Variants in RAD51 observed in about 807,000 individuals in gnomAD.
RAD51 encodes the protein DNA repair protein RAD51 homolog 1.
Under a neutral mutation model 41.5 loss-of-function variants are expected in RAD51, and 14 were observed. The observed-to-expected ratio is 0.34, with a 90% confidence interval of 0.22 to 0.53. The LOEUF (loss-of-function observed/expected upper bound fraction) is 0.53, where lower values mean the gene tolerates loss of function less well. Among genes scored for constraint, RAD51 ranks in the 20% least tolerant of loss-of-function variants. The probability of loss-of-function intolerance (pLI) is 0.95; values close to 1 mark genes in which losing one functional copy is unlikely to be tolerated. For synonymous variants in RAD51, 136 were observed against 148.6 expected, an observed-to-expected ratio of 0.92 and a Z score of 0.62; for missense variants, 234 against 422.0, an observed-to-expected ratio of 0.55 and a Z score of 3.90.
chr15:40,708,982 A>G (rs1026673874), intron 4 of RAD51, 43 bp from the exon 5 acceptor site: 5 of 1,477,930 alleles, frequency 3.4e-6, no homozygotes, highest in Admixed American at 3.3e-5. Context: ...CAGTTTCTAC[A>G]TGTTTGTATT....
In RAD51 at chr15:40,731,112, C is replaced by T. The variant is rs1419508030; in HGVS notation, c.954C>T (p.Pro318=). 1.1e-5 allele frequency: 18 copies of T among 1,614,098 alleles called. No individual in the cohort carries two copies. Among genetic ancestry groups the T allele is most frequent in the Admixed American group, 1.7e-5 (1 of 59,994 alleles). ...GAATCTGCAAAATCTACGACTCTCC[C>T]TGTCTTCCTGAAGCTGAAGCTATGT... ...ETRICKIYDS[P]CLPEAEAMFA... is the part of the protein sequence containing the mutation. Residue 318 remains proline, a synonymous_variant, in exon 10 of 10, where the codon CCC becomes CCT. Transcript: ENST00000267868.
intron 5 of RAD51, among the ~76,000 whole-genome samples, chr15:40,714,335 A>G (rs968531632): frequency 2.0e-5 from 3 of 152,238 alleles, no homozygotes; most frequent in African/African-American, 7.2e-5. Flanking sequence ...GTCATTTGAC[A>G]TGATATGTGA....
At chr15:40,725,074 T>C (rs1896512962) in intron 6 of RAD51, among the ~76,000 whole-genome samples, 1 of 151,554 alleles carries the variant, frequency 6.6e-6, no homozygotes, top group Non-Finnish European at 1.5e-5. Flanking sequence ...TAATTTTTTG[T>C]ATTTTTAGTA....
intron 3 of RAD51, 60 bp from the exon 4 acceptor site, chr15:40,706,117 T>A: frequency 7.7e-7 from 1 of 1,303,172 alleles, no homozygotes; most frequent in African/African-American, 1.5e-5. Flanking sequence ...TTTTTTGCCA[T>A]CAAGATCACT....
Position 40,729,576 on chromosome 15 carries a change from C to T in RAD51, c.716C>T (p.Ser239Leu), listed in dbSNP as rs2141882391. The part of the protein sequence containing the change: ...RTDYSGRGEL[S>L]ARQMHLARFL... ...GACTACTCGGGTCGAGGTGAGCTTT[C>T]AGCCAGGCAGATGCACTTGGCCAGG... is the stretch of plus-strand genomic sequence containing the variant. The change falls in exon 8 of 10, where the codon TCA becomes TTA. Residue 239 changes from serine (S) to leucine (L), a missense_variant. Transcript: ENST00000267868. 6.2e-7 allele frequency: 1 copy of T among 1,614,028 alleles called. No homozygotes were observed. Among genetic ancestry groups the T allele is most frequent in the Non-Finnish European group, 8.5e-7 (1 of 1,180,006 alleles).
chr15:40,706,744 A>G (rs1029613335), intron 4 of RAD51, among the ~76,000 whole-genome samples: 4 of 152,200 alleles, frequency 2.6e-5, no homozygotes, highest in African/African-American at 9.6e-5. Flanking sequence ...TGAAGAGGTA[A>G]GACTGCTGCA....
chr15:40,717,645 C>A (rs1211378529), intron 5 of RAD51, among the ~76,000 whole-genome samples: 1 of 151,830 alleles, frequency 6.6e-6, no homozygotes, highest in Non-Finnish European at 1.5e-5. Context: ...TTTCTGTTTT[C>A]TCCAATTGTT....
At chr15:40,730,688 A>AT (rs1486244174) in intron 9 of RAD51, among the ~76,000 whole-genome samples, 1 of 150,740 alleles carries the variant, frequency 6.6e-6, no homozygotes, top group African/African-American at 2.4e-5. Flanking sequence ...CACCTGGCTA[A>AT]TTTTTTTGTA....
At chr15:40,715,978 T>C (rs1297505554) in intron 5 of RAD51, among the ~76,000 whole-genome samples, 2 of 152,202 alleles carry the variant, frequency 1.3e-5, no homozygotes, top group African/African-American at 4.8e-5. Flanking sequence ...CCCTCTTTTG[T>C]TGTATATGTG....
intron 6 of RAD51, among the ~76,000 whole-genome samples, chr15:40,723,655 C>T (rs45534235): frequency 0.014 from 2,188 of 152,016 alleles, 58 homozygotes; most frequent in African/African-American, 0.05. Flanking sequence ...TGGTTAGTGG[C>T]GATAGGAATG....
At chr15:40,710,241 CAAAAAAAAAAAA>C (rs71104728) in intron 5 of RAD51, among the ~76,000 whole-genome samples, 679 of 44,306 alleles carry the variant, frequency 0.015, 4 homozygotes, top group Middle Eastern at 0.033. Context: ...GACTCTGTCT[CAAAAAAAAAAAA>C]AAAAAAAAAA....
rs371254143 is a variant in RAD51 at position 40,700,649 on chromosome 15, T to C, written c.88-415T>C. On this transcript the variant is annotated intron_variant, in intron 2 of 9. Coordinates refer to ENST00000267868, the MANE Select transcript of RAD51 (RefSeq NM_002875.5). ...AGTTTAAAATTATTGATTTTGATAA[T>C]GAAAAGGTTGTTAATTTGTTATTAA... Among the ~76,000 whole-genome samples, 20 of 152,328 alleles carry C rather than the reference T, an allele frequency of 1.3e-4. No homozygotes were observed. The East Asian group carries it at 2.1e-3, about 16-fold the overall frequency.
intron 6 of RAD51, among the ~76,000 whole-genome samples, chr15:40,726,127 A>C (rs998936291): frequency 6.6e-6 from 1 of 152,174 alleles, no homozygotes; most frequent in African/African-American, 2.4e-5. Flanking sequence ...CTTTGAGATG[A>C]GCTTAGTTTT....
rs76614563 is a variant in RAD51, at chr15:40,723,632, G to A, written c.530+4733G>A. 6.6e-3 allele frequency among the ~76,000 whole-genome samples: 1,004 copies of A among 152,240 alleles called. 4 individuals carry two copies. The highest frequency in any genetic ancestry group is 0.011 in the Non-Finnish European group (763 of 68,014). On this transcript the variant is annotated intron_variant, in intron 6 of 9. Transcript: ENST00000267868. ...ATTTCCAGTAGGGGATAATCTAAGG[G>A]ATAGAAGAATTGTGGTTAGTGGCGA... is the stretch of plus-strand genomic sequence containing the variant.
At position 40,714,964 on chromosome 15, in the gene RAD51, A is replaced by T. The variant is rs577961856; in HGVS notation, c.436-3841A>T. ...TGAGGCCGGAGGATTGCTTGAACCC[A>T]GGAGTTCCAGACAAGACTGGGGAAT... On this transcript the variant is annotated intron_variant, in intron 5 of 9. Transcript: ENST00000267868. 4.4e-4 allele frequency among the ~76,000 whole-genome samples: 67 copies of T among 152,012 alleles called. No homozygotes were observed. In the South Asian group the frequency reaches 8.5e-3, roughly 19 times the overall value.
intron 6 of RAD51, among the ~76,000 whole-genome samples, chr15:40,724,710 C>T (rs561656608): frequency 1.0e-3 from 117 of 116,548 alleles, no homozygotes; most frequent in Middle Eastern, 0.014. Flanking sequence ...GACAGAGTCT[C>T]GCTCTGTCGC....
chr15:40,730,878 A>G (rs553748780), intron 9 of RAD51, among the ~76,000 whole-genome samples, 177 bp from the exon 10 acceptor site: 193 of 152,156 alleles, frequency 1.3e-3, no homozygotes, highest in African/African-American at 4.5e-3. Context: ...GAGAGGGGCC[A>G]GGGCAAAAAT....
At chr15:40,729,341 C>T (rs534109647) in intron 7 of RAD51, among the ~76,000 whole-genome samples, 164 bp from the exon 8 acceptor site, 30 of 142,858 alleles carry the variant, frequency 2.1e-4, no homozygotes, top group African/African-American at 7.9e-4. Context: ...CCACTGCACT[C>T]CAGCCTGGGC....
intron 5 of RAD51, among the ~76,000 whole-genome samples, chr15:40,714,995 G>A (rs765239462): frequency 6.6e-6 from 1 of 151,986 alleles, no homozygotes; most frequent in African/African-American, 2.4e-5. Context: ...GGAATATGGC[G>A]AGATCCCATT....
Sources: gnomAD v4.1 joint callset for allele counts (sites outside exome capture counted in the v4.1 genomes callset) on GRCh38, gnomAD v4.1.1 for gene constraint, MANE v1.5 for transcripts, NCBI Gene and HGNC (gene_info 2026-07-23, HGNC 2026-07-21) for gene names.